SLC24A4: variants seen among roughly 807,000 people sequenced by gnomAD.
SLC24A4 encodes the protein solute carrier family 24 member 4.
SLC24A4 carries 53 observed loss-of-function variants against 79.0 expected under a neutral mutation model. The observed-to-expected ratio is 0.67, with a 90% CI of 0.54 to 0.84. The LOEUF (loss-of-function observed/expected upper bound fraction) is 0.84, where lower values mean the gene tolerates loss of function less well. SLC24A4 is among the 40% of genes least tolerant of loss of function. The pLI, the probability that SLC24A4 is intolerant of heterozygous loss-of-function variation, is 0.00. For missense variants in SLC24A4, 731 were observed against 822.0 expected (o/e 0.89, Z 1.35); for synonymous variants, 323 against 323.8 (o/e 1.00, Z 0.03).
rs551492007 is a variant in SLC24A4, at chr14:92,480,342, G to A, written c.1256-2338G>A. Reference sequence around the variant, plus strand: ...TGCTCTGTCGCCCAGGCCGAACTGCGGACTGCAGTGGCACAATCTCAGCTC... The same window carrying A: ...TGCTCTGTCGCCCAGGCCGAACTGCAGACTGCAGTGGCACAATCTCAGCTC... On this transcript the variant is annotated intron_variant, in intron 12 of 16. Transcript: ENST00000532405. Among the ~76,000 whole-genome samples the A allele has an allele frequency of 1.7e-3, 178 of 103,134 alleles. 1 individual carries two copies. The highest frequency in any genetic ancestry group is 2.8e-3 in the Non-Finnish European group (153 of 54,606). The allele number at this position is 103,134 out of a possible 152,430, so 67.7% of individuals were successfully genotyped here. A position where few individuals can be genotyped will look rare whatever the true frequency, so the allele number is the denominator to read the frequency against.
chr14:92,393,952 A>G (rs1889631680), intron 2 of SLC24A4, among the ~76,000 whole-genome samples: 1 of 151,888 alleles, frequency 6.6e-6, no homozygotes, highest in East Asian at 2.0e-4. Context: ...TGGAGGTTGC[A>G]GTGAGCTAAG....
At chr14:92,374,538 G>A (rs564231077) in intron 2 of SLC24A4, among the ~76,000 whole-genome samples, 36 of 152,270 alleles carry the variant, frequency 2.4e-4, no homozygotes, top group African/African-American at 8.7e-4. Context: ...GTCAGACGGG[G>A]GCTGAGCACC....
At chr14:92,346,459 G>A (rs1244603893) in intron 2 of SLC24A4, among the ~76,000 whole-genome samples, 2 of 152,214 alleles carry the variant, frequency 1.3e-5, no homozygotes, top group African/African-American at 4.8e-5. Flanking sequence ...TTGGGAGAGA[G>A]TGACCTGAGG....
chr14:92,359,662 G>A, intron 2 of SLC24A4, among the ~76,000 whole-genome samples: 1 of 152,072 alleles, frequency 6.6e-6, no homozygotes, highest in East Asian at 1.9e-4. Flanking sequence ...TAAACGTTAA[G>A]TATAACAAGT....
intron 2 of SLC24A4, among the ~76,000 whole-genome samples, chr14:92,350,195 G>T (rs1003777255): frequency 3.9e-5 from 6 of 152,210 alleles, no homozygotes; most frequent in African/African-American, 1.4e-4. Flanking sequence ...GTGCGGTTAA[G>T]TTCTTTTTTT....
At chr14:92,488,965 G>C (rs576882034) in intron 14 of SLC24A4, among the ~76,000 whole-genome samples, 7 of 152,286 alleles carry the variant, frequency 4.6e-5, no homozygotes, top group Admixed American at 2.6e-4. Flanking sequence ...ATCAACAAAG[G>C]GTCTCTGTTA....
chr14:92,388,234 G>A (rs114301755), intron 2 of SLC24A4, among the ~76,000 whole-genome samples: 1,893 of 152,226 alleles, frequency 0.012, 37 homozygotes, highest in African/African-American at 0.043. Flanking sequence ...CTTAAGGCCC[G>A]TTAAAGCCTG....
chr14:92,363,873 G>A (rs1887672781), intron 2 of SLC24A4, among the ~76,000 whole-genome samples: 1 of 152,054 alleles, frequency 6.6e-6, no homozygotes, highest in South Asian at 2.1e-4. Context: ...TCTCAGCCTG[G>A]CATCTGTACT....
intron 2 of SLC24A4, among the ~76,000 whole-genome samples, chr14:92,414,553 C>T (rs780530460): frequency 9.9e-5 from 15 of 152,084 alleles, no homozygotes; most frequent in Non-Finnish European, 1.6e-4. Flanking sequence ...CTGGGTGACA[C>T]AGTGAGACCC....
At chr14:92,437,955 A>G (rs549251113) in intron 3 of SLC24A4, among the ~76,000 whole-genome samples, 3 of 152,184 alleles carry the variant, frequency 2.0e-5, no homozygotes, top group Non-Finnish European at 4.4e-5. Context: ...CCTGCTCTCA[A>G]ATTTGCTCAC....
At chr14:92,484,256 C>T (rs1595359205) in intron 13 of SLC24A4, 1 of 985,402 alleles carries the variant, frequency 1.0e-6, no homozygotes. Flanking sequence ...AAATCCCACC[C>T]TTTGGCCGGC....
chr14:92,492,825 A>C (rs971714713), intron 16 of SLC24A4: 2 of 455,122 alleles, frequency 4.4e-6, no homozygotes, highest in African/African-American at 2.0e-5. Flanking sequence ...TTTTACTCGC[A>C]GTGCTCCAGT....
intron 2 of SLC24A4, among the ~76,000 whole-genome samples, chr14:92,344,652 G>A (rs975334650): frequency 6.6e-6 from 1 of 152,140 alleles, no homozygotes; most frequent in African/African-American, 2.4e-5. Context: ...AGGCTGTTTA[G>A]GATGTCCAGG....
At chr14:92,434,488 T>A (rs1892056623) in intron 3 of SLC24A4, among the ~76,000 whole-genome samples, 1 of 152,242 alleles carries the variant, frequency 6.6e-6, no homozygotes, top group Admixed American at 6.5e-5. Context: ...ATCACTGTTC[T>A]GGAAGTATAA....
upstream of SLC24A4, chr14:92,323,078 G>A (rs1395669444): frequency 6.6e-6 from 1 of 152,374 alleles, no homozygotes; most frequent in African/African-American, 2.4e-5. The surrounding 1 kb of genome is among the most constrained non-coding windows in gnomAD (Gnocchi z 4.9). Flanking sequence ...ACGAGTACAC[G>A]TGCTGGGAAG....
intron 13 of SLC24A4, chr14:92,483,667 C>T: frequency 8.3e-7 from 1 of 1,207,444 alleles, no homozygotes; most frequent in Non-Finnish European, 1.1e-6. Context: ...ACACAGGAGC[C>T]TCCTTCCCCA....
intron 2 of SLC24A4, among the ~76,000 whole-genome samples, chr14:92,346,533 G>A (rs1445091754): frequency 6.6e-6 from 1 of 152,182 alleles, no homozygotes; most frequent in Non-Finnish European, 1.5e-5. Context: ...ATAAGCGAGG[G>A]ATAGATCATT....
At position 92,323,910 on chromosome 14, in the gene SLC24A4, G is replaced by T; in HGVS notation, c.80G>T (p.Cys27Phe). The change falls in exon 1 of 17, where the codon TGC becomes TTC. Residue 27 changes from cysteine to phenylalanine, a missense_variant. By Grantham distance (205) the Cys-to-Phe change is radical. Coordinates refer to ENST00000532405, the MANE Select transcript of SLC24A4 (RefSeq NM_153646.4). The surrounding 1 kb of genome is among the most constrained non-coding windows in gnomAD (Gnocchi z 4.9). ...CTGCCGCAGCAAGTCGGCTTCGTGTGCGCGGTGCTGGCCCTGGTGTGCTGT... is the reference window on the plus strand; with the variant it reads ...CTGCCGCAGCAAGTCGGCTTCGTGTTCGCGGTGCTGGCCCTGGTGTGCTGT... ...EMLPQQVGFVCAVLALVCCAS... is the reference protein window; with the variant it reads ...EMLPQQVGFVFAVLALVCCAS... 6.2e-7 allele frequency: 1 copy of T among 1,610,486 alleles called. No individual in the cohort carries two copies. The highest frequency in any genetic ancestry group is 1.7e-5 in the Admixed American group (1 of 59,974).
intron 10 of SLC24A4, 165 bp from the exon 11 acceptor site, chr14:92,453,735 G>T: frequency 1.6e-6 from 1 of 606,804 alleles, no homozygotes; most frequent in Non-Finnish European, 2.7e-6. Context: ...GACCCACTTT[G>T]CCTGACATGA....
Sources: gnomAD v4.1 joint callset for allele counts (sites outside exome capture counted in the v4.1 genomes callset) on GRCh38, gnomAD v4.1.1 for gene constraint, Gnocchi (gnomAD v3.1) non-coding constraint, MANE v1.5 for transcripts, NCBI Gene and HGNC (gene_info 2026-07-23, HGNC 2026-07-21) for gene names.